The following PCDH9 variants were observed in gnomAD, a reference collection of about 807,000 sequenced individuals.
PCDH9 encodes protocadherin-9.
PCDH9 carries 24 observed loss-of-function variants against 70.6 expected under a neutral mutation model. The observed-to-expected ratio is 0.34, with a 90% CI of 0.25 to 0.48. The LOEUF (loss-of-function observed/expected upper bound fraction) is 0.48, where lower values mean the gene tolerates loss of function less well. Among genes scored for constraint, PCDH9 ranks in the 20% least tolerant of loss-of-function variants. The pLI is 0.99. For missense variants in PCDH9, 1,281 were observed against 1,503.6 expected (o/e 0.85, Z 2.45); for synonymous variants, 562 against 558.5 (o/e 1.01, Z -0.09).
chr13:66,651,714 G>A (rs544022147), intron 3 of PCDH9, among the ~76,000 whole-genome samples: 52 of 152,030 alleles, frequency 3.4e-4, no homozygotes, highest in African/African-American at 1.2e-3. Flanking sequence ...ATTAAAAACA[G>A]AAAACTATAA....
At chr13:66,644,043 T>A (rs1377445065) in intron 3 of PCDH9, among the ~76,000 whole-genome samples, 1 of 151,970 alleles carries the variant, frequency 6.6e-6, no homozygotes, top group East Asian at 1.9e-4. Flanking sequence ...AATTTATACA[T>A]AGGCTCACAA....
At chr13:66,780,149 A>G (rs1460983207) in intron 3 of PCDH9, among the ~76,000 whole-genome samples, 3 of 152,014 alleles carry the variant, frequency 2.0e-5, no homozygotes. Flanking sequence ...ATGCATAAGT[A>G]TGATTACTTC....
intron 2 of PCDH9, among the ~76,000 whole-genome samples, chr13:67,070,724 C>CA (rs540915371): frequency 1.0e-3 from 153 of 152,186 alleles, no homozygotes; most frequent in Non-Finnish European, 1.6e-3. Context: ...CTCCTTTTTA[C>CA]AAAAAATCAC....
At chr13:66,775,679 T>C (rs1336602723) in intron 3 of PCDH9, among the ~76,000 whole-genome samples, 2 of 152,230 alleles carry the variant, frequency 1.3e-5, no homozygotes, top group Admixed American at 1.3e-4. Context: ...GCTTACTTTA[T>C]ATTGTAGGAA....
At chr13:66,876,821 C>T (rs562123943) in intron 3 of PCDH9, 35 of 151,992 alleles carry the variant, frequency 2.3e-4, no homozygotes, top group African/African-American at 6.3e-4. Flanking sequence ...ATTAATATGG[C>T]GATATTTTTC....
chr13:66,567,794 G>C (rs1229451477), intron 4 of PCDH9, among the ~76,000 whole-genome samples: 1 of 152,096 alleles, frequency 6.6e-6, no homozygotes, highest in Non-Finnish European at 1.5e-5. Context: ...ATTATGCAAG[G>C]AATAAATAAT....
intron 2 of PCDH9, among the ~76,000 whole-genome samples, chr13:67,145,014 GGGAAGGTGA>G (rs1354686585): frequency 3.3e-5 from 5 of 152,044 alleles, no homozygotes; most frequent in African/African-American, 9.7e-5. Flanking sequence ...TGGACTGCGT[GGGAAGGTGA>G]GGATGTTCAC....
At chr13:67,117,015 A>G (rs2086790896) in intron 2 of PCDH9, among the ~76,000 whole-genome samples, 1 of 152,186 alleles carries the variant, frequency 6.6e-6, no homozygotes, top group African/African-American at 2.4e-5. Flanking sequence ...AAACTTATGG[A>G]GTGGAGAAAG....
intron 3 of PCDH9, among the ~76,000 whole-genome samples, chr13:66,819,007 G>A (rs1362706472): frequency 1.3e-5 from 2 of 151,654 alleles, no homozygotes; most frequent in East Asian, 3.9e-4. Flanking sequence ...AAATCCAAAA[G>A]GTTTAATTTA....
At chr13:66,969,183 T>C (rs967209486) in intron 2 of PCDH9, among the ~76,000 whole-genome samples, 3 of 152,004 alleles carry the variant, frequency 2.0e-5, no homozygotes, top group African/African-American at 7.2e-5. Flanking sequence ...GCTTAGTGAT[T>C]TGATTTTTGA....
At chr13:66,858,029 T>C (rs1354209152) in intron 3 of PCDH9, among the ~76,000 whole-genome samples, 1 of 152,166 alleles carries the variant, frequency 6.6e-6, no homozygotes. Context: ...CTCTGTGGAA[T>C]CTTCCTTTCA....
chr13:67,121,261 T>C (rs2086873245), intron 2 of PCDH9, among the ~76,000 whole-genome samples: 1 of 152,146 alleles, frequency 6.6e-6, no homozygotes, highest in Non-Finnish European at 1.5e-5. Context: ...ATCAGTGTAG[T>C]CTGGGACACT....
intron 3 of PCDH9, among the ~76,000 whole-genome samples, chr13:66,636,169 C>A (rs2077634470): frequency 6.6e-6 from 1 of 152,044 alleles, no homozygotes; most frequent in South Asian, 2.1e-4. Flanking sequence ...TTATGATATT[C>A]AAAAATGTTA....
chr13:67,186,476 C>T (rs544105496), intron 2 of PCDH9, among the ~76,000 whole-genome samples: 28 of 152,220 alleles, frequency 1.8e-4, no homozygotes, highest in Non-Finnish European at 3.4e-4. Context: ...AGATTCTGAT[C>T]CAGTAGGTGT....
rs1423203153 is a variant in PCDH9, at chr13:66,303,436, A to C, written c.*1219T>G. On this transcript the variant is annotated 3_prime_UTR_variant, in exon 5 of 5. Coordinates refer to ENST00000377865, the MANE Select transcript of PCDH9 (RefSeq NM_203487.3). ...TCCCTTTATTTCCCCCAACTACCCTACCTGGAGAATGTTCTGTTACATCAT... is the reference window on the plus strand; with the variant it reads ...TCCCTTTATTTCCCCCAACTACCCTCCCTGGAGAATGTTCTGTTACATCAT... 6.6e-6 allele frequency: 1 copy of C among 152,420 alleles called. No homozygotes were observed. The highest frequency in any genetic ancestry group is 1.5e-5 in the Non-Finnish European group (1 of 67,978). The allele number at this position is 152,420 out of a possible 1,614,324, so 9.4% of individuals were successfully genotyped here.
intron 2 of PCDH9, among the ~76,000 whole-genome samples, chr13:66,981,389 G>C (rs1341015438): frequency 6.9e-6 from 1 of 144,370 alleles, no homozygotes; most frequent in Non-Finnish European, 1.5e-5. Context: ...AATGAGCCGA[G>C]ATCGTGCCAC....
chr13:67,074,723 C>T (rs75154365), intron 2 of PCDH9, among the ~76,000 whole-genome samples: 3,690 of 152,120 alleles, frequency 0.024, 71 homozygotes, highest in Middle Eastern at 0.051. Flanking sequence ...CTTTGGAGGA[C>T]ATATTGTTGC....
At chr13:67,144,133 C>G (rs1014214010) in intron 2 of PCDH9, among the ~76,000 whole-genome samples, 7 of 152,152 alleles carry the variant, frequency 4.6e-5, no homozygotes, top group Non-Finnish European at 1.0e-4. Flanking sequence ...ATAGGACTAT[C>G]TTTAGAACTC....
intron 4 of PCDH9, among the ~76,000 whole-genome samples, chr13:66,615,965 C>G (rs976031412): frequency 6.6e-6 from 1 of 152,198 alleles, no homozygotes; most frequent in Non-Finnish European, 1.5e-5. Context: ...CAGGACACAA[C>G]TGGAAATACT....
Sources: gnomAD v4.1 joint callset for allele counts (sites outside exome capture counted in the v4.1 genomes callset) on GRCh38, gnomAD v4.1.1 for gene constraint, MANE v1.5 for transcripts, NCBI Gene and HGNC (gene_info 2026-07-23, HGNC 2026-07-21) for gene names.